Variants in DCDC1 observed in about 807,000 individuals in gnomAD.
The protein encoded by DCDC1 is doublecortin domain-containing protein 1.
Under a neutral mutation model 178.3 loss-of-function variants are expected in DCDC1, and 200 were observed. That is an observed-to-expected ratio of 1.12 (90% confidence interval 1.00 to 1.26). DCDC1 has a LOEUF of 1.26. Ranked by LOEUF, DCDC1 falls within the 50% of genes most tolerant of loss-of-function variation. DCDC1 has a pLI of 0.00. For missense variants in DCDC1, 1,983 were observed against 1,749.2 expected (o/e 1.13, Z -2.38); for synonymous variants, 690 against 604.8 (o/e 1.14, Z -2.07).
intron 20 of DCDC1, among the ~76,000 whole-genome samples, chr11:30,992,203 C>G (rs79752842): frequency 6.6e-6 from 1 of 152,104 alleles, no homozygotes; most frequent in Non-Finnish European, 1.5e-5. Context: ...AAAAGAAATG[C>G]TGTATTTTTC....
At chr11:30,870,919 C>T (rs562395529) in intron 38 of DCDC1, among the ~76,000 whole-genome samples, 2 of 152,268 alleles carry the variant, frequency 1.3e-5, no homozygotes, top group African/African-American at 4.8e-5. Context: ...GAGAAAAGAA[C>T]CAAAACAATG....
chr11:31,209,269 T>C (rs11031311), intron 9 of DCDC1, among the ~76,000 whole-genome samples: 40,108 of 152,048 alleles, frequency 0.26, 5,449 homozygotes, highest in African/African-American at 0.32. Context: ...TGGACTTAAA[T>C]AAGTTAAGTA....
intron 28 of DCDC1, among the ~76,000 whole-genome samples, chr11:30,910,622 G>T (rs1378510493): frequency 6.6e-6 from 1 of 152,160 alleles, no homozygotes; most frequent in African/African-American, 2.4e-5. Flanking sequence ...TACATGCAAA[G>T]CAGGAATGCC....
intron 18 of DCDC1, among the ~76,000 whole-genome samples, chr11:31,077,238 T>C (rs1956918602): frequency 6.6e-6 from 1 of 152,182 alleles, no homozygotes; most frequent in Non-Finnish European, 1.5e-5. Context: ...CTTGTTTCTG[T>C]AAATAAAGTT....
At chr11:31,242,310 A>G (rs920846774) in intron 8 of DCDC1, among the ~76,000 whole-genome samples, 9 of 152,004 alleles carry the variant, frequency 5.9e-5, no homozygotes, top group African/African-American at 2.2e-4. Context: ...AACATCCATA[A>G]GGAGTTGACA....
rs1282172774 is a variant in DCDC1 at position 31,369,113 on chromosome 11, T to G, written c.-125+584A>C. ...ATGTGTAGACTTGCTGAGTCCTTGT[T>G]CTGCCCCTACCCAACTAGCTGTTTG... is the stretch of plus-strand genomic sequence containing the variant. On this transcript the variant is annotated intron_variant, in intron 1 of 38. Transcript: ENST00000684477. Among the ~76,000 whole-genome samples the G allele has an allele frequency of 3.3e-5, 5 of 152,216 alleles. No homozygotes were observed. The South Asian group carries it at 1.0e-3, about 32-fold the overall frequency.
At chr11:30,991,510 C>T (rs970846265) in intron 20 of DCDC1, among the ~76,000 whole-genome samples, 1 of 152,102 alleles carries the variant, frequency 6.6e-6, no homozygotes, top group Non-Finnish European at 1.5e-5. Flanking sequence ...GCAACTGGAT[C>T]GGACAGCTCA....
intron 11 of DCDC1, among the ~76,000 whole-genome samples, chr11:31,121,588 T>A (rs539636738): frequency 2.0e-5 from 3 of 151,406 alleles, no homozygotes; most frequent in Non-Finnish European, 4.4e-5. Context: ...CAAGACGTGA[T>A]AAGGATGAAA....
chr11:31,187,800 C>T (rs1269810177), intron 9 of DCDC1, among the ~76,000 whole-genome samples: 1 of 152,142 alleles, frequency 6.6e-6, no homozygotes, highest in African/African-American at 2.4e-5. Context: ...ATAGTCTAAT[C>T]ACTAATCATT....
At chr11:31,087,693 C>G (rs1044441716) in intron 17 of DCDC1, among the ~76,000 whole-genome samples, 17 of 152,100 alleles carry the variant, frequency 1.1e-4, no homozygotes, top group Non-Finnish European at 2.2e-4. Flanking sequence ...AGAACACACT[C>G]TATATTACTT....
intron 20 of DCDC1, among the ~76,000 whole-genome samples, chr11:31,047,427 G>T (rs1484805572): frequency 6.6e-6 from 1 of 152,048 alleles, no homozygotes; most frequent in Non-Finnish European, 1.5e-5. Context: ...TAATAATCAA[G>T]ATTGTATATT....
chr11:31,290,918 T>G, intron 6 of DCDC1, 66 bp from the exon 7 acceptor site: 2 of 1,411,818 alleles, frequency 1.4e-6, no homozygotes, highest in Non-Finnish European at 9.8e-7. Context: ...CACATCATAC[T>G]TCCCTCCCTC....
At chr11:31,063,533 G>C (rs149729617) in intron 20 of DCDC1, among the ~76,000 whole-genome samples, 168 of 152,194 alleles carry the variant, frequency 1.1e-3, no homozygotes, top group African/African-American at 3.9e-3. Context: ...ATTGAAATAA[G>C]TTTTTTGTCT....
chr11:30,888,150 G>GAA lies in DCDC1; in HGVS notation c.5082+4666_5082+4667dup, dbSNP rs1286714195. On this transcript the variant is annotated intron_variant, in intron 36 of 38. Coordinates refer to ENST00000684477, the MANE Select transcript of DCDC1 (RefSeq NM_001387274.1). Reference sequence around the variant, plus strand: ...AGAAAGAAAGAAAGAAAGAAAGAAAGAAAGAAAGAAAGGGAAAGAAAGAAA... The same window carrying GAA: ...AGAAAGAAAGAAAGAAAGAAAGAAAGAAAAAGAAAGAAAGGGAAAGAAAGAAA... 2.5e-3 allele frequency among the ~76,000 whole-genome samples: 339 copies of GAA among 135,030 alleles called. 2 individuals carry two copies. Among genetic ancestry groups the GAA allele is most frequent in the African/African-American group, 0.01 (326 of 31,272 alleles). 88.6% of individuals were successfully genotyped at this position (135,030 alleles called of 152,430 possible). A position where few individuals can be genotyped will look rare whatever the true frequency, so the allele number is the denominator to read the frequency against.
chr11:30,939,117 C>G (rs1009464033), intron 21 of DCDC1, among the ~76,000 whole-genome samples: 1 of 152,144 alleles, frequency 6.6e-6, no homozygotes, highest in African/African-American at 2.4e-5. Context: ...ACTACCAAGG[C>G]AGTACTTATA....
chr11:31,040,105 T>C (rs1954333739), intron 20 of DCDC1, among the ~76,000 whole-genome samples: 1 of 151,978 alleles, frequency 6.6e-6, no homozygotes, highest in African/African-American at 2.4e-5. Flanking sequence ...GACAGAAATA[T>C]GGTTATGCAA....
chr11:31,070,831 C>T (rs543561185), intron 18 of DCDC1, among the ~76,000 whole-genome samples: 1 of 152,208 alleles, frequency 6.6e-6, no homozygotes, highest in Admixed American at 6.5e-5. Flanking sequence ...CTATGTTTCA[C>T]CTAACTTTGG....
In DCDC1 at chr11:31,100,565, T is replaced by C. The variant is rs185062849; in HGVS notation, c.1983+1612A>G. Among the ~76,000 whole-genome samples the C allele has an allele frequency of 4.1e-3, 621 of 152,212 alleles. 2 individuals carry two copies. Among genetic ancestry groups the C allele is most frequent in the Non-Finnish European group, 7.2e-3 (491 of 68,008 alleles). ...GAGTAAAGCCTTAAGAAGCAAGTAATGGTAATGGCTGGGGGTATATCCCAG... is the reference window on the plus strand; with the variant it reads ...GAGTAAAGCCTTAAGAAGCAAGTAACGGTAATGGCTGGGGGTATATCCCAG... On this transcript the variant is annotated intron_variant, in intron 15 of 38. Transcript: ENST00000684477.
At chr11:31,164,242 T>C (rs1015124724) in intron 9 of DCDC1, among the ~76,000 whole-genome samples, 4 of 152,148 alleles carry the variant, frequency 2.6e-5, no homozygotes, top group African/African-American at 7.2e-5. Flanking sequence ...GAGATTATGA[T>C]GGAGCTGAAA....
Sources: gnomAD v4.1 joint callset for allele counts (sites outside exome capture counted in the v4.1 genomes callset) on GRCh38, gnomAD v4.1.1 for gene constraint, MANE v1.5 for transcripts, NCBI Gene and HGNC (gene_info 2026-07-23, HGNC 2026-07-21) for gene names.